Variants in CRHR1 observed in about 807,000 individuals in gnomAD.
CRHR1 encodes corticotropin-releasing hormone receptor 1.
Under a neutral mutation model 56.0 loss-of-function variants are expected in CRHR1, and 28 were observed. That is an observed-to-expected ratio of 0.50 (90% CI 0.37 to 0.69). The LOEUF (loss-of-function observed/expected upper bound fraction) is 0.69, where lower values mean the gene tolerates loss of function less well. CRHR1 is among the 30% of genes least tolerant of loss of function. The pLI, the probability that CRHR1 is intolerant of heterozygous loss-of-function variation, is 0.00. For synonymous variants in CRHR1, 195 were observed against 216.5 expected, an observed-to-expected ratio of 0.90 and a Z score of 0.87; for missense variants, 376 against 548.0, an observed-to-expected ratio of 0.69 and a Z score of 3.13.
At position 45,784,443 on chromosome 17, in the gene CRHR1, GGCCGCCCACCCCGT is replaced by G; in HGVS notation, c.-94_-81del. The G allele has an allele frequency of 8.2e-7, 1 of 1,213,504 alleles. No individual in the cohort carries two copies. The highest frequency in any genetic ancestry group is 1.1e-6 in the Non-Finnish European group (1 of 901,562). The allele number at this position is 1,213,504 out of a possible 1,614,324, so 75.2% of individuals were successfully genotyped here. On this transcript the variant is annotated 5_prime_UTR_variant, in exon 1 of 13. Coordinates refer to ENST00000314537, the MANE Select transcript of CRHR1 (RefSeq NM_004382.5). This position sits in a 1 kb window ranked among gnomAD's most constrained non-coding sequence, Gnocchi z 4.2. The stretch of plus-strand genomic sequence containing the variant: ...TCACCAGGCAGCGACCGAGGAGCCC[GGCCGCCCACCCCGT>G]GCCGCCCGAGCCCGCAGCCGCCCGC...
chr17:45,835,015 G>A lies in CRHR1; in HGVS notation c.*251G>A, dbSNP rs537850648. 7 of 553,336 alleles carry A rather than the reference G, an allele frequency of 1.3e-5. No individual in the cohort carries two copies. Among genetic ancestry groups the A allele is most frequent in the Non-Finnish European group, 1.9e-5 (6 of 311,578 alleles). 34.3% of individuals were successfully genotyped at this position (553,336 alleles called of 1,614,324 possible). A position where few individuals can be genotyped will look rare whatever the true frequency, so the allele number is the denominator to read the frequency against. On this transcript the variant is annotated 3_prime_UTR_variant, in exon 13 of 13. Coordinates refer to ENST00000314537, the MANE Select transcript of CRHR1 (RefSeq NM_004382.5). ...TGGCTTCCCTGCCCAATCCTCCCTG[G>A]AGAAGGGACATGGGAATGAATTGAA...
intron 1 of CRHR1, among the ~76,000 whole-genome samples, chr17:45,803,775 TGCGTGCGCGTGCGC>T (rs2061668782): frequency 6.7e-6 from 1 of 150,336 alleles, no homozygotes; most frequent in Non-Finnish European, 1.5e-5. Context: ...TGTGTGTGTG[TGCGTGCGCGTGCGC>T]GTGTGTGCAT....
chr17:45,785,563 C>T (rs1024087560), intron 1 of CRHR1, among the ~76,000 whole-genome samples: 1 of 152,236 alleles, frequency 6.6e-6, no homozygotes, highest in Non-Finnish European at 1.5e-5. Flanking sequence ...GCAGGGTCCG[C>T]TCCAGCCACA....
intron 4 of CRHR1, among the ~76,000 whole-genome samples, chr17:45,825,051 C>T (rs2143169753): frequency 6.6e-6 from 1 of 152,328 alleles, no homozygotes; most frequent in South Asian, 2.1e-4. Context: ...TGCCAGCCCC[C>T]AGCCTCGCCA....
intron 1 of CRHR1, among the ~76,000 whole-genome samples, chr17:45,797,954 C>CT (rs1568035043): frequency 1.3e-5 from 2 of 152,138 alleles, no homozygotes; most frequent in Admixed American, 6.5e-5. Flanking sequence ...ACCCAGAGTG[C>CT]TTTTTCCTCT....
intron 6 of CRHR1, 93 bp from the exon 7 acceptor site, chr17:45,830,324 G>A (rs926588342): frequency 1.5e-5 from 24 of 1,587,650 alleles, no homozygotes; most frequent in East Asian, 2.2e-5. Flanking sequence ...GGATCCCAGG[G>A]TATGCCCTGT....
intron 3 of CRHR1, among the ~76,000 whole-genome samples, chr17:45,818,185 T>C (rs1378534937): frequency 6.6e-6 from 1 of 152,190 alleles, no homozygotes; most frequent in African/African-American, 2.4e-5. Flanking sequence ...AGGTTTCAGA[T>C]CTGAGTTGGT....
intron 1 of CRHR1, among the ~76,000 whole-genome samples, chr17:45,805,348 C>T (rs2061700358): frequency 6.6e-6 from 1 of 152,104 alleles, no homozygotes; most frequent in Admixed American, 6.5e-5. Context: ...AGTCCCGGCC[C>T]CTTGTGAGAA....
At chr17:45,799,136 C>G (rs2061574223) in intron 1 of CRHR1, among the ~76,000 whole-genome samples, 1 of 152,230 alleles carries the variant, frequency 6.6e-6, no homozygotes, top group Non-Finnish European at 1.5e-5. Context: ...TGGCTGGTCT[C>G]CACCTGTGGG....
chr17:45,807,083 C>A lies in CRHR1; in HGVS notation c.107C>A (p.Ala36Asp). The change falls in exon 2 of 13, where the codon GCC becomes GAC. Residue 36 changes from alanine (A) to aspartate (D), a missense_variant. Transcript: ENST00000314537. ...QDQHCESLSL[A>D]SNISGLQCNA... The stretch of plus-strand genomic sequence containing the variant: ...CAGCACTGCGAGAGCCTGTCCCTGG[C>A]CAGCAACATCTCAGGTGAGTCCCCT... 1 of 1,614,030 alleles carries A rather than the reference C, an allele frequency of 6.2e-7. No homozygotes were observed. The highest frequency in any genetic ancestry group is 8.5e-7 in the Non-Finnish European group (1 of 1,179,958).
chr17:45,784,582 C>T lies in CRHR1; in HGVS notation c.33+5C>T. 6.5e-7 allele frequency: 1 copy of T among 1,548,912 alleles called. No homozygotes were observed. Among genetic ancestry groups the T allele is most frequent in the Admixed American group, 1.9e-5 (1 of 52,050 alleles). ...CCGCAGCTCCGTCTCGTCAAGGTAA[C>T]AGCCCGCCGGCCATCCCTCGAGCGC... On this transcript the variant is annotated splice_donor_5th_base_variant and intron_variant, in intron 1 of 12. Transcript: ENST00000314537. This position sits in a 1 kb window ranked among gnomAD's most constrained non-coding sequence, Gnocchi z 4.2.
In CRHR1 at chr17:45,784,571, C is replaced by T. The variant is rs1438345784; in HGVS notation, c.27C>T (p.Leu9=). 6 of 1,553,496 alleles carry T rather than the reference C, an allele frequency of 3.9e-6. No homozygotes were observed. Among genetic ancestry groups the T allele is most frequent in the Non-Finnish European group, 3.5e-6 (4 of 1,149,924 alleles). Residue 9 remains leucine, a synonymous_variant, in exon 1 of 13, where the codon CTC becomes CTT. Coordinates refer to ENST00000314537, the MANE Select transcript of CRHR1 (RefSeq NM_004382.5). The surrounding 1 kb of genome is among the most constrained non-coding windows in gnomAD (Gnocchi z 4.2). ...TGGGAGGGCACCCGCAGCTCCGTCTCGTCAAGGTAACAGCCCGCCGGCCAT... is the reference window on the plus strand; with the variant it reads ...TGGGAGGGCACCCGCAGCTCCGTCTTGTCAAGGTAACAGCCCGCCGGCCAT... MGGHPQLR[L]VKALLLLGLN... is the part of the protein sequence containing the mutation.
At chr17:45,786,683 AG>A (rs2061342937) in intron 1 of CRHR1, among the ~76,000 whole-genome samples, 1 of 125,652 alleles carries the variant, frequency 8.0e-6, no homozygotes, top group Non-Finnish European at 1.6e-5. Flanking sequence ...TCTGTCGCCC[AG>A]GTTGGAGTGT....
chr17:45,804,309 A>AC (rs1386868995), intron 1 of CRHR1, among the ~76,000 whole-genome samples: 1 of 151,970 alleles, frequency 6.6e-6, no homozygotes, highest in African/African-American at 2.4e-5. Flanking sequence ...GGGCAGAGAG[A>AC]CCCCTATGAG....
chr17:45,835,334 AC>A lies in CRHR1; in HGVS notation c.*577del, dbSNP rs572637088. The stretch of plus-strand genomic sequence containing the variant: ...GACTTGCGGCCACAGCACTAGAGTC[AC>A]CCCCCCAGGCCTCCAGAACCTTACT... On this transcript the variant is annotated 3_prime_UTR_variant, in exon 13 of 13. Transcript: ENST00000314537. 7 of 153,998 alleles carry A rather than the reference AC, an allele frequency of 4.5e-5. No homozygotes were observed. The highest frequency in any genetic ancestry group is 7.2e-5 in the Non-Finnish European group (5 of 69,104). The allele number at this position is 153,998 out of a possible 1,614,324, so 9.5% of individuals were successfully genotyped here.
At chr17:45,805,755 C>T (rs2061708276) in intron 1 of CRHR1, among the ~76,000 whole-genome samples, 1 of 152,162 alleles carries the variant, frequency 6.6e-6, no homozygotes, top group South Asian at 2.1e-4. Flanking sequence ...TACAATGCTC[C>T]CCTCTCCCTG....
intron 1 of CRHR1, among the ~76,000 whole-genome samples, chr17:45,803,593 C>A (rs1049074900): frequency 3.6e-4 from 55 of 152,252 alleles, no homozygotes; most frequent in Non-Finnish European, 2.4e-4. Context: ...ACCCTATTGG[C>A]CAGGCTGGTC....
chr17:45,798,002 C>T (rs548238872), intron 1 of CRHR1, among the ~76,000 whole-genome samples: 1 of 151,944 alleles, frequency 6.6e-6, no homozygotes, highest in African/African-American at 2.4e-5. Context: ...GGGGCTATGG[C>T]GGGAGCAAGG....
At chr17:45,829,184 G>A in intron 4 of CRHR1, 31 bp from the exon 5 acceptor site, 4 of 1,565,154 alleles carry the variant, frequency 2.6e-6, no homozygotes, top group Non-Finnish European at 2.6e-6. Flanking sequence ...TCCAGCAGAA[G>A]GCTCACCTCT....
Sources: allele counts gnomAD v4.1 joint callset (sites outside exome capture counted in the v4.1 genomes callset), GRCh38; gene constraint gnomAD v4.1.1; non-coding constraint Gnocchi (gnomAD v3.1); transcripts MANE v1.5; gene names NCBI Gene and HGNC (gene_info 2026-07-23, HGNC 2026-07-21).